Variants in SMIM14 observed in about 807,000 individuals in gnomAD.
SMIM14 encodes the protein small integral membrane protein 14, also known as chromosome 4 open reading frame 34.
Under a neutral mutation model 12.6 loss-of-function variants are expected in SMIM14, and 5 were observed. The observed-to-expected ratio is 0.40, with a 90% CI of 0.21 to 0.83. The LOEUF is 0.83. SMIM14 is among the 40% of genes least tolerant of loss of function. The pLI, the probability that SMIM14 is intolerant of heterozygous loss-of-function variation, is 0.37. For missense variants in SMIM14, 86 were observed against 119.1 expected (o/e 0.72, Z 1.29); for synonymous variants, 30 against 40.1 (o/e 0.75, Z 0.95).
At chr4:39,559,946 G>A (rs529844447) in intron 3 of SMIM14, among the ~76,000 whole-genome samples, 1 of 144,284 alleles carries the variant, frequency 6.9e-6, no homozygotes. Context: ...ACAAAAACCC[G>A]TATCTACAAA....
chr4:39,595,832 A>T (rs1714335845), intron 2 of SMIM14, among the ~76,000 whole-genome samples: 1 of 151,522 alleles, frequency 6.6e-6, no homozygotes, highest in South Asian at 2.1e-4. Context: ...CTGGTTTCAA[A>T]CTCCTAGACT....
At chr4:39,553,886 G>A (rs1017312341) in intron 4 of SMIM14, among the ~76,000 whole-genome samples, 2 of 152,040 alleles carry the variant, frequency 1.3e-5, no homozygotes. Context: ...GAGCCACCGC[G>A]CCTGGTCTAT....
At chr4:39,567,611 C>T (rs1712647728) in intron 3 of SMIM14, among the ~76,000 whole-genome samples, 1 of 152,072 alleles carries the variant, frequency 6.6e-6, no homozygotes, top group Admixed American at 6.6e-5. Flanking sequence ...GTGGCAGGCG[C>T]CTATAATCCC....
At chr4:39,582,366 G>C (rs1001261755) in intron 2 of SMIM14, among the ~76,000 whole-genome samples, 1 of 151,936 alleles carries the variant, frequency 6.6e-6, no homozygotes, top group Non-Finnish European at 1.5e-5. Flanking sequence ...GATTCTTTTT[G>C]AATATGAAAG....
intron 1 of SMIM14, among the ~76,000 whole-genome samples, chr4:39,629,379 G>GACAC (rs1715823239): frequency 1.8e-5 from 1 of 54,736 alleles, no homozygotes; most frequent in Non-Finnish European, 4.0e-5. Flanking sequence ...AAAAAAAAAA[G>GACAC]ATACATATAT....
intron 1 of SMIM14, among the ~76,000 whole-genome samples, chr4:39,617,781 G>C (rs1179046908): frequency 6.6e-6 from 1 of 152,140 alleles, no homozygotes; most frequent in Non-Finnish European, 1.5e-5. Flanking sequence ...CAGCGGAAGA[G>C]AATCTAAACA....
chr4:39,581,518 C>CTTTTTCTT (rs1713491824), intron 2 of SMIM14, among the ~76,000 whole-genome samples: 1 of 132,094 alleles, frequency 7.6e-6, no homozygotes, highest in African/African-American at 2.7e-5. Context: ...TTTTCTTTTT[C>CTTTTTCTT]TTTTTTTTTT....
chr4:39,629,137 G>T (rs1456600849), intron 1 of SMIM14, among the ~76,000 whole-genome samples: 1 of 151,284 alleles, frequency 6.6e-6, no homozygotes, highest in African/African-American at 2.4e-5. Flanking sequence ...AAGCTGGGTG[G>T]ATCACCTGAG....
rs183267784 is a variant in SMIM14 at position 39,573,450 on chromosome 4, T to C, written c.76-987A>G. Reference sequence around the variant, plus strand: ...GTCACAGAACGTATCTTCAAAATCATACACAAACACAGAATACTCTGAGGG... The same window carrying C: ...GTCACAGAACGTATCTTCAAAATCACACACAAACACAGAATACTCTGAGGG... On this transcript the variant is annotated intron_variant, in intron 2 of 4. Transcript: ENST00000295958. 2.5e-3 allele frequency among the ~76,000 whole-genome samples: 384 copies of C among 152,258 alleles called. 2 individuals carry two copies. Among genetic ancestry groups the C allele is most frequent in the African/African-American group, 8.9e-3 (370 of 41,564 alleles).
At chr4:39,588,238 G>A (rs1713884053) in intron 2 of SMIM14, among the ~76,000 whole-genome samples, 1 of 151,996 alleles carries the variant, frequency 6.6e-6, no homozygotes, top group African/African-American at 2.4e-5. Flanking sequence ...ATAATAATGG[G>A]AACAATACAC....
intron 2 of SMIM14, among the ~76,000 whole-genome samples, chr4:39,574,158 T>C (rs1026492477): frequency 1.3e-5 from 2 of 151,914 alleles, no homozygotes; most frequent in African/African-American, 4.8e-5. Flanking sequence ...ACGGCAACTA[T>C]GGTGCAGTAG....
intron 1 of SMIM14, among the ~76,000 whole-genome samples, chr4:39,623,087 C>T (rs1319161601): frequency 4.6e-5 from 7 of 152,160 alleles, no homozygotes; most frequent in East Asian, 3.8e-4. Context: ...TTGTTACATA[C>T]GTACAATGTC....
At chr4:39,606,246 T>G (rs1040239142) in intron 1 of SMIM14, among the ~76,000 whole-genome samples, 4 of 151,486 alleles carry the variant, frequency 2.6e-5, no homozygotes, top group African/African-American at 9.7e-5. Flanking sequence ...CTCAGAAGGC[T>G]GAGGTGGGAG....
intron 2 of SMIM14, 145 bp from the exon 3 acceptor site, chr4:39,572,608 G>T: frequency 1.5e-6 from 1 of 650,682 alleles, no homozygotes; most frequent in Non-Finnish European, 2.7e-6. Flanking sequence ...GATTGTTTGA[G>T]CTCAGACATT....
At chr4:39,593,615 C>G (rs1714217759) in intron 2 of SMIM14, 1 of 152,140 alleles carries the variant, frequency 6.6e-6, no homozygotes, top group African/African-American at 2.4e-5. Context: ...TCAAATTGTC[C>G]CTGTTTGCAG....
At chr4:39,593,632 T>C (rs1388130940) in intron 2 of SMIM14, 2 of 152,202 alleles carry the variant, frequency 1.3e-5, no homozygotes, top group Non-Finnish European at 2.9e-5. Context: ...GCAGATCACA[T>C]GATTGTATAT....
At chr4:39,584,793 C>CAAAA (rs34970724) in intron 2 of SMIM14, among the ~76,000 whole-genome samples, 4 of 76,256 alleles carry the variant, frequency 5.2e-5, no homozygotes, top group Non-Finnish European at 9.9e-5. Flanking sequence ...AGGACCTTGT[C>CAAAA]AAAAAAAAAA....
At chr4:39,554,906 G>C (rs977418686) in intron 4 of SMIM14, among the ~76,000 whole-genome samples, 3 of 147,116 alleles carry the variant, frequency 2.0e-5, no homozygotes, top group Non-Finnish European at 4.5e-5. Context: ...CACGATCTTG[G>C]CTCACTGCAA....
intron 1 of SMIM14, among the ~76,000 whole-genome samples, chr4:39,623,153 A>T (rs527662798): frequency 3.3e-5 from 5 of 152,322 alleles, no homozygotes; most frequent in African/African-American, 9.6e-5. Flanking sequence ...AAGTATTTTC[A>T]GTTAAAGTGA....
Sources: allele counts gnomAD v4.1 joint callset (sites outside exome capture counted in the v4.1 genomes callset), GRCh38; gene constraint gnomAD v4.1.1; transcripts MANE v1.5; gene names NCBI Gene and HGNC (gene_info 2026-07-23, HGNC 2026-07-21).